MYOCD: variants seen among roughly 807,000 people sequenced by gnomAD.
MYOCD encodes myocardin.
MYOCD carries 32 observed loss-of-function variants against 96.1 expected under a neutral mutation model. The ratio of observed to expected loss-of-function variants is 0.33; its 90% CI spans 0.25 to 0.45. The LOEUF is 0.45. MYOCD is among the 20% of genes least tolerant of loss of function. The probability of loss-of-function intolerance (pLI) is 1.00; values close to 1 mark genes in which losing one functional copy is unlikely to be tolerated. For synonymous variants in MYOCD, 469 were observed against 469.0 expected, an observed-to-expected ratio of 1.00 and a Z score of 0.00; for missense variants, 1,133 against 1,200.6, an observed-to-expected ratio of 0.94 and a Z score of 0.83.
At chr17:12,752,273 G>A (rs1247783434) in intron 9 of MYOCD, 141 bp from the exon 10 acceptor site, 1 of 695,398 alleles carries the variant, frequency 1.4e-6, no homozygotes, top group Non-Finnish European at 2.4e-6. Context: ...AGGGGTAGGA[G>A]AGGAAATCGG....
rs555047637 is a variant in MYOCD at position 12,717,500 on chromosome 17, A to G, written c.253+79A>G. The G allele has an allele frequency of 4.3e-6, 5 of 1,165,692 alleles. No individual in the cohort carries two copies. The African/African-American group carries it at 6.1e-5, about 14-fold the overall frequency. 72.2% of individuals were successfully genotyped at this position (1,165,692 alleles called of 1,614,324 possible). On this transcript the variant is annotated intron_variant, in intron 4 of 13. Transcript: ENST00000425538. ...TTCCCAGAGTTACTTGTCTCTGTAC[A>G]GTTGCTAAGCCCTCTTAAAAATCTC...
intron 5 of MYOCD, among the ~76,000 whole-genome samples, chr17:12,733,662 G>A (rs1197465042): frequency 1.3e-5 from 2 of 152,222 alleles, no homozygotes; most frequent in East Asian, 3.9e-4. Context: ...GAGGTCAGGA[G>A]TTCAAGACCA....
chr17:12,742,575 TA>T (rs1273756122), intron 7 of MYOCD, among the ~76,000 whole-genome samples: 1 of 149,788 alleles, frequency 6.7e-6, no homozygotes, highest in Non-Finnish European at 1.5e-5. Context: ...GTTTGAAAAT[TA>T]TTTTTTTTTT....
chr17:12,677,425 C>A (rs1019243833), intron 1 of MYOCD, among the ~76,000 whole-genome samples: 1 of 151,166 alleles, frequency 6.6e-6, no homozygotes, highest in Admixed American at 6.7e-5. Flanking sequence ...TAAAAAAAAA[C>A]TTATAGGCCG....
At chr17:12,697,582 T>C (rs914616233) in intron 1 of MYOCD, among the ~76,000 whole-genome samples, 1 of 151,578 alleles carries the variant, frequency 6.6e-6, no homozygotes. Context: ...CAGGATGATC[T>C]CGATCTCCTG....
chr17:12,691,312 G>C (rs1484858221), intron 1 of MYOCD, among the ~76,000 whole-genome samples: 1 of 152,148 alleles, frequency 6.6e-6, no homozygotes, highest in African/African-American at 2.4e-5. Context: ...CGAGCATGGG[G>C]TTGGAACATA....
At chr17:12,746,120 AG>A in intron 9 of MYOCD, 48 bp downstream of exon 9, 1 of 1,596,032 alleles carries the variant, frequency 6.3e-7, no homozygotes, top group Non-Finnish European at 8.6e-7. Flanking sequence ...CAAATACAAC[AG>A]TATGTTGTTA....
rs759630262 is a variant in MYOCD, at chr17:12,763,363, G to T, written c.2680G>T (p.Ala894Ser). The change falls in exon 14 of 14, where the codon GCT (alanine) becomes TCT (serine). Residue 894 changes from alanine to serine, a missense_variant. Coordinates refer to ENST00000425538, the MANE Select transcript of MYOCD (RefSeq NM_001146312.3). ...GATAATGGATGGATTCTCTGGGAAG[G>T]CTGCAGAAGACCTCTTCAATGCACA... ...DGIMDGFSGKAAEDLFNAHEI... is the reference protein window; with the variant it reads ...DGIMDGFSGKSAEDLFNAHEI... 1.9e-6 allele frequency: 3 copies of T among 1,597,836 alleles called. No individual in the cohort carries two copies. In the African/African-American group the frequency reaches 4.0e-5, roughly 21 times the overall value.
At chr17:12,707,245 G>A (rs2031321547) in intron 2 of MYOCD, among the ~76,000 whole-genome samples, 1 of 152,198 alleles carries the variant, frequency 6.6e-6, no homozygotes, top group Non-Finnish European at 1.5e-5. Context: ...GAGAAGGAAA[G>A]AGGAACCAAG....
intron 1 of MYOCD, among the ~76,000 whole-genome samples, chr17:12,695,938 A>T (rs1196212090): frequency 6.7e-6 from 1 of 149,196 alleles, no homozygotes; most frequent in Admixed American, 6.8e-5. Flanking sequence ...GGATTCATAT[A>T]GTGTTTCTAC....
chr17:12,671,080 CTTGT>C (rs1335813439), intron 1 of MYOCD, among the ~76,000 whole-genome samples: 2 of 152,116 alleles, frequency 1.3e-5, no homozygotes, highest in African/African-American at 2.4e-5. Flanking sequence ...AAACCTTTTA[CTTGT>C]TTATTTGCTT....
intron 5 of MYOCD, among the ~76,000 whole-genome samples, chr17:12,728,954 G>A (rs185863629): frequency 4.6e-5 from 7 of 152,292 alleles, no homozygotes; most frequent in Admixed American, 3.3e-4. Context: ...TCCTGTGCTA[G>A]TCACTGCTCA....
At chr17:12,709,725 T>C (rs924453698) in intron 2 of MYOCD, among the ~76,000 whole-genome samples, 1 of 152,162 alleles carries the variant, frequency 6.6e-6, no homozygotes, top group Non-Finnish European at 1.5e-5. Context: ...TCCCACCCTT[T>C]TGGGCTCAAG....
At chr17:12,720,630 T>C (rs1360443440) in intron 4 of MYOCD, among the ~76,000 whole-genome samples, 1 of 152,104 alleles carries the variant, frequency 6.6e-6, no homozygotes, top group Non-Finnish European at 1.5e-5. Flanking sequence ...TATATACTTA[T>C]TATATACTTA....
chr17:12,674,566 T>G (rs1011409435), intron 1 of MYOCD, among the ~76,000 whole-genome samples: 3 of 152,166 alleles, frequency 2.0e-5, no homozygotes, highest in African/African-American at 7.2e-5. Flanking sequence ...AAGAAATATC[T>G]AGGAGTTAGT....
intron 1 of MYOCD, 62 bp downstream of exon 1, chr17:12,666,305 G>T: frequency 8.2e-7 from 1 of 1,214,068 alleles, no homozygotes. Flanking sequence ...CTCAACTCTA[G>T]AACTGCTTTC....
At chr17:12,675,183 T>G (rs16946417) in intron 1 of MYOCD, among the ~76,000 whole-genome samples, 1,941 of 152,300 alleles carry the variant, frequency 0.013, 83 homozygotes, top group East Asian at 0.086. Context: ...GTGAAAGATC[T>G]AGATACTATT....
intron 9 of MYOCD, among the ~76,000 whole-genome samples, chr17:12,748,169 AAAAAAAAAACAAAAAAAC>A: frequency 6.7e-6 from 1 of 148,902 alleles, no homozygotes; most frequent in Middle Eastern, 3.4e-3. Flanking sequence ...TCAAAAAAAA[AAAAAAAAAACAAAAAAAC>A]AAAAAAACTG....
At chr17:12,726,473 C>G (rs2032002731) in intron 5 of MYOCD, among the ~76,000 whole-genome samples, 2 of 152,180 alleles carry the variant, frequency 1.3e-5, no homozygotes, top group Non-Finnish European at 2.9e-5. Context: ...GAAGTTTCAT[C>G]CACTTATTAA....
Sources: allele counts gnomAD v4.1 joint callset (sites outside exome capture counted in the v4.1 genomes callset), GRCh38; gene constraint gnomAD v4.1.1; transcripts MANE v1.5; gene names NCBI Gene and HGNC (gene_info 2026-07-23, HGNC 2026-07-21).